Variants in PRRC2B observed in about 807,000 individuals in gnomAD.
PRRC2B encodes protein PRRC2B.
In PRRC2B, 68 loss-of-function variants were observed where a neutral mutation model predicts 242.3. The observed-to-expected ratio is 0.28, with a 90% CI of 0.23 to 0.34. The LOEUF (loss-of-function observed/expected upper bound fraction) is 0.34. Among genes scored for constraint, PRRC2B ranks in the 10% least tolerant of loss-of-function variants. The pLI is 1.00. For missense variants in PRRC2B, 2,835 were observed against 2,954.8 expected, an observed-to-expected ratio of 0.96 and a Z score of 0.94; for synonymous variants, 1,228 against 1,173.6, an observed-to-expected ratio of 1.05 and a Z score of -0.95.
At position 131,486,193 on chromosome 9, in the gene PRRC2B, C is replaced by T; in HGVS notation, c.5856+11C>T. ...CAGAGTTACCAACAGGTGACAGCAG[C>T]TAGCCAGGTGGCCTGGCTGGGGGTG... On this transcript the variant is annotated intron_variant, in intron 26 of 31. Transcript: ENST00000683519. 1 of 1,591,986 alleles carries T rather than the reference C, an allele frequency of 6.3e-7. No homozygotes were observed. The highest frequency in any genetic ancestry group is 8.6e-7 in the Non-Finnish European group (1 of 1,162,700).
Position 131,464,893 on chromosome 9 carries a change from A to G in PRRC2B, c.1535A>G (p.Glu512Gly). 1.9e-6 allele frequency: 3 copies of G among 1,613,816 alleles called. No homozygotes were observed. Among genetic ancestry groups the G allele is most frequent in the Middle Eastern group, 3.3e-4 (2 of 6,050 alleles). ...GAGCGAGCCCGAAAGCGCCGGGAAG[A>G]AGAGGAGCGCCGAGCCCGGGAGGAG... ...AVERARKRRE[E>G]EERRAREERL... is the part of the protein sequence containing the mutation. The change falls in exon 12 of 32, where the codon GAA (glutamate) becomes GGA (glycine). Residue 512 changes from glutamate to glycine, a missense_variant. This residue lies in a region of PRRC2B where 626 missense variants were observed against 685.5 expected (regional missense o/e 0.91). Coordinates refer to ENST00000683519, the MANE Select transcript of PRRC2B (RefSeq NM_013318.4).
chr9:131,481,726 C>G lies in PRRC2B; in HGVS notation c.4901C>G (p.Ala1634Gly). The change falls in exon 20 of 32, where the codon GCT becomes GGT. Residue 1634 changes from alanine to glycine, a missense_variant and splice_region_variant. Coordinates refer to ENST00000683519, the MANE Select transcript of PRRC2B (RefSeq NM_013318.4). Reference sequence around the variant, plus strand: ...TGACTCTGTCTTCCTCCCCTGGCAGCTCTCCCTGTGCAGGCCCCAGCCAAC... The same window carrying G: ...TGACTCTGTCTTCCTCCCCTGGCAGGTCTCCCTGTGCAGGCCCCAGCCAAC... ...GTEIWESSSQALPVQAPANDS... is the reference protein window; with the variant it reads ...GTEIWESSSQGLPVQAPANDS... 7 of 1,559,954 alleles carry G rather than the reference C, an allele frequency of 4.5e-6. No individual in the cohort carries two copies. Among genetic ancestry groups the G allele is most frequent in the Non-Finnish European group, 6.1e-6 (7 of 1,152,358 alleles).
At chr9:131,438,832 G>C (rs1365838204) in intron 4 of PRRC2B, among the ~76,000 whole-genome samples, 157 bp from the exon 5 acceptor site, 1 of 152,136 alleles carries the variant, frequency 6.6e-6, no homozygotes, top group African/African-American at 2.4e-5. Context: ...TACAGGGAAG[G>C]TTCAGGGCTT....
intron 2 of PRRC2B, among the ~76,000 whole-genome samples, chr9:131,431,605 C>G (rs1380544383): frequency 7.4e-6 from 1 of 135,182 alleles, no homozygotes; most frequent in East Asian, 2.2e-4. Context: ...TTTTTTGAGA[C>G]GGAGTCTCAC....
chr9:131,476,304 G>A lies in PRRC2B; in HGVS notation c.4175G>A (p.Gly1392Asp). The change falls in exon 16 of 32, where the codon GGC (glycine) becomes GAC (aspartate). Residue 1392 changes from glycine to aspartate, a missense_variant. This residue lies in a region of PRRC2B where 1,536 missense variants were observed against 1,483.1 expected (regional missense o/e 1.04). Transcript: ENST00000683519. ...DFSERRERRE[G>D]PGSEPDSQVD... ...AGCGAGCGGCGGGAGCGGCGGGAAG[G>A]CCCTGGGTCCGAGCCCGACTCCCAG... 6.3e-7 allele frequency: 1 copy of A among 1,583,636 alleles called. No homozygotes were observed.
At position 131,473,719 on chromosome 9, in the gene PRRC2B, T is replaced by C; in HGVS notation, c.2319T>C (p.Arg773=). Residue 773 remains arginine, a synonymous_variant, in exon 15 of 32, where the codon CGT becomes CGC. Coordinates refer to ENST00000683519, the MANE Select transcript of PRRC2B (RefSeq NM_013318.4). Reference sequence around the variant, plus strand: ...GTGACACCTTGGCTATGGACATGCGTGTCAGGTGAGATGAAGCCTGGTCCT... The same window carrying C: ...GTGACACCTTGGCTATGGACATGCGCGTCAGGTGAGATGAAGCCTGGTCCT... ...KSSDTLAMDM[R]VRNESSFSAS... The C allele has an allele frequency of 3.7e-6, 6 of 1,612,658 alleles. No individual in the cohort carries two copies. The highest frequency in any genetic ancestry group is 5.1e-6 in the Non-Finnish European group (6 of 1,179,404).
At chr9:131,406,021 A>G (rs1319747222) in intron 1 of PRRC2B, among the ~76,000 whole-genome samples, 2 of 152,180 alleles carry the variant, frequency 1.3e-5, no homozygotes, top group Non-Finnish European at 2.9e-5. Context: ...CAGAGTTGAT[A>G]GGGCACCTGG....
In PRRC2B at chr9:131,455,122, T is replaced by C; in HGVS notation, c.1167T>C (p.Asp389=). The C allele has an allele frequency of 6.2e-7, 1 of 1,613,806 alleles. No individual in the cohort carries two copies. The highest frequency in any genetic ancestry group is 8.5e-7 in the Non-Finnish European group (1 of 1,179,826). The change falls in exon 10 of 32, where the codon GAT becomes GAC. Residue 389 remains aspartate, a synonymous_variant. Coordinates refer to ENST00000683519, the MANE Select transcript of PRRC2B (RefSeq NM_013318.4). ...VDYSEKLKFS[D]DEEEEEVVKD... ...ATTCTGAGAAACTGAAGTTCAGTGA[T>C]GATGAAGAGGAGGAAGAAGTTGTGA...
At chr9:131,428,589 G>T (rs1200643405) in intron 1 of PRRC2B, among the ~76,000 whole-genome samples, 2 of 151,926 alleles carry the variant, frequency 1.3e-5, no homozygotes, top group Non-Finnish European at 2.9e-5. Context: ...TAAAGATGGG[G>T]TTTCACCATG....
intron 1 of PRRC2B, among the ~76,000 whole-genome samples, chr9:131,416,805 T>C (rs2131303995): frequency 1.3e-5 from 2 of 152,330 alleles, no homozygotes; most frequent in Non-Finnish European, 2.9e-5. Context: ...CCTGAGGTTA[T>C]GGGGTTTGGG....
chr9:131,392,838 AG>A (rs1389729694), upstream of PRRC2B, among the ~76,000 whole-genome samples: 1 of 151,226 alleles, frequency 6.6e-6, no homozygotes, highest in Non-Finnish European at 1.5e-5. Flanking sequence ...GCTTGAATCT[AG>A]GAGTTGGAGG....
chr9:131,464,690 C>T, intron 11 of PRRC2B, 73 bp from the exon 12 acceptor site: 3 of 1,369,646 alleles, frequency 2.2e-6, no homozygotes, highest in Non-Finnish European at 2.9e-6. Context: ...GAGAACTGAT[C>T]CCAAAGTGGG....
In PRRC2B at chr9:131,413,962, G is replaced by A. The variant is rs139160968; in HGVS notation, c.-51-16132G>A. On this transcript the variant is annotated intron_variant, in intron 1 of 31. Coordinates refer to ENST00000683519, the MANE Select transcript of PRRC2B (RefSeq NM_013318.4). ...TGGGATTACAGGCGTAAGCCACCAC[G>A]CCGGGCCTTAATCAAAGCATTCTTG... Among the ~76,000 whole-genome samples the A allele has an allele frequency of 7.3e-3, 1,112 of 152,262 alleles. 21 individuals are homozygous for A. The highest frequency in any genetic ancestry group is 0.026 in the African/African-American group (1,071 of 41,550).
chr9:131,392,701 G>A (rs1035140551), upstream of PRRC2B, among the ~76,000 whole-genome samples: 1 of 152,002 alleles, frequency 6.6e-6, no homozygotes, highest in Admixed American at 6.6e-5. Flanking sequence ...TCACTTTAGC[G>A]CAGGAGTTCC....
At chr9:131,412,237 C>A (rs1341928585) in intron 1 of PRRC2B, among the ~76,000 whole-genome samples, 2 of 152,194 alleles carry the variant, frequency 1.3e-5, no homozygotes, top group African/African-American at 2.4e-5. Context: ...TTTGTACTTT[C>A]ATTGTGGGTG....
At chr9:131,415,445 GTCAGCCTCCC>G (rs1236616602) in intron 1 of PRRC2B, among the ~76,000 whole-genome samples, 1 of 152,210 alleles carries the variant, frequency 6.6e-6, no homozygotes, top group East Asian at 1.9e-4. Context: ...CTGGGGCTGG[GTCAGCCTCCC>G]TCAGGCTCCA....
chr9:131,489,776 T>A (rs1313954204), intron 28 of PRRC2B, among the ~76,000 whole-genome samples: 1 of 152,016 alleles, frequency 6.6e-6, no homozygotes, highest in Non-Finnish European at 1.5e-5. Flanking sequence ...CACATCTCCC[T>A]CTCTTTCATG....
chr9:131,383,603 T>C (rs1160583561), intron 1 of PRRC2B, among the ~76,000 whole-genome samples: 14 of 142,516 alleles, frequency 9.8e-5, no homozygotes, highest in African/African-American at 3.5e-4. Context: ...GGTTTCTCTT[T>C]TTTTTTTTTT....
Position 131,432,596 on chromosome 9 carries a change from TCC to T in PRRC2B, c.116-20_116-19del. On this transcript the variant is annotated intron_variant, in intron 2 of 31. Coordinates refer to ENST00000683519, the MANE Select transcript of PRRC2B (RefSeq NM_013318.4). ...TGTGACCTTTTTGCATGGTGTCTGT[TCC>T]ATGTCCCTCTCCCTGCAGTTATTCC... The T allele has an allele frequency of 6.2e-7, 1 of 1,610,902 alleles. No homozygotes were observed. Among genetic ancestry groups the T allele is most frequent in the Non-Finnish European group, 8.5e-7 (1 of 1,178,028 alleles).
Sources: allele counts gnomAD v4.1 joint callset (sites outside exome capture counted in the v4.1 genomes callset), GRCh38; gene constraint gnomAD v4.1.1; regional missense constraint gnomAD v4.1.1; transcripts MANE v1.5; gene names NCBI Gene and HGNC (gene_info 2026-07-23, HGNC 2026-07-21).